The following ARHGAP44 variants were observed in gnomAD, a reference collection of about 807,000 sequenced individuals.
ARHGAP44 encodes the protein Rho GTPase activating protein 44.
A neutral mutation model predicts 106.8 loss-of-function variants in ARHGAP44; 43 were observed. That is an observed-to-expected ratio of 0.40 (90% CI 0.32 to 0.52). The LOEUF (loss-of-function observed/expected upper bound fraction) is 0.52, where lower values mean the gene tolerates loss of function less well. Among genes scored for constraint, ARHGAP44 ranks in the 20% least tolerant of loss-of-function variants. ARHGAP44 has a pLI of 0.48. For synonymous variants in ARHGAP44, 439 were observed against 410.3 expected, an observed-to-expected ratio of 1.07 and a Z score of -0.85; for missense variants, 866 against 1,050.5, an observed-to-expected ratio of 0.82 and a Z score of 2.43.
intron 7 of ARHGAP44, among the ~76,000 whole-genome samples, chr17:12,931,228 C>T (rs1254787500): frequency 6.6e-6 from 1 of 151,882 alleles, no homozygotes; most frequent in Non-Finnish European, 1.5e-5. Flanking sequence ...CATGCCACCA[C>T]TCCTGGCTAA....
chr17:12,928,814 G>A (rs2038320350), intron 6 of ARHGAP44, 115 bp from the exon 7 acceptor site: 2 of 863,100 alleles, frequency 2.3e-6, no homozygotes, highest in South Asian at 3.5e-5. Context: ...CCCTTTTCCA[G>A]TGAGGGTATG....
At position 12,907,855 on chromosome 17, in the gene ARHGAP44, G is replaced by C. The variant is rs2037601805; in HGVS notation, c.199-1042G>C. On this transcript the variant is annotated intron_variant, in intron 3 of 20. Transcript: ENST00000379672. Reference sequence around the variant, plus strand: ...CAGGAGTGGAATTGCTGTGCCATGTGATAATTCTGCTTAACTTATTGAGAT... The same window carrying C: ...CAGGAGTGGAATTGCTGTGCCATGTCATAATTCTGCTTAACTTATTGAGAT... Among the ~76,000 whole-genome samples, 3 of 152,120 alleles carry C rather than the reference G, an allele frequency of 2.0e-5. No homozygotes were observed. The South Asian group carries it at 6.2e-4, about 32-fold the overall frequency.
intron 3 of ARHGAP44, among the ~76,000 whole-genome samples, chr17:12,903,126 G>GTGT (rs57334058): frequency 7.1e-5 from 5 of 70,698 alleles, no homozygotes; most frequent in Admixed American, 5.2e-4. Flanking sequence ...GAGAGAGAGA[G>GTGT]GAGAGAGAGA....
chr17:12,930,827 T>A (rs1364287032), intron 7 of ARHGAP44, among the ~76,000 whole-genome samples: 2 of 152,118 alleles, frequency 1.3e-5, no homozygotes, highest in Admixed American at 1.3e-4. Context: ...ACACTAATAT[T>A]CTCTCCCTTC....
chr17:12,903,132 AGAGAGAGAGTGTGT>A (rs2037438709), intron 3 of ARHGAP44, among the ~76,000 whole-genome samples: 5 of 125,936 alleles, frequency 4.0e-5, no homozygotes, highest in East Asian at 2.4e-4. Context: ...GAGAGGAGAG[AGAGAGAGAGTGTGT>A]GTGTGTGTGT....
intron 1 of ARHGAP44, among the ~76,000 whole-genome samples, chr17:12,877,044 A>T (rs2036579226): frequency 6.6e-6 from 1 of 152,118 alleles, no homozygotes; most frequent in Non-Finnish European, 1.5e-5. Context: ...AATTAAGAGG[A>T]TTTGACAGTT....
rs188524184 is a variant in ARHGAP44 at position 12,949,303 on chromosome 17, T to C, written c.973+52T>C. 4.6e-3 allele frequency: 7,006 copies of C among 1,516,646 alleles called. 21 individuals are homozygous for C. The highest frequency in any genetic ancestry group is 5.8e-3 in the Non-Finnish European group (6,452 of 1,121,044). 93.9% of individuals were successfully genotyped at this position (1,516,646 alleles called of 1,614,324 possible). ...GCCATGGAGGCTCACAGGGAAGGGG[T>C]AGAGGGGAGGCTGTGTGGCTACAAG... On this transcript the variant is annotated intron_variant, in intron 11 of 20. Transcript: ENST00000379672. This position sits in a 1 kb window ranked among gnomAD's most constrained non-coding sequence, Gnocchi z 4.1.
chr17:12,797,316 A>T (rs2033954035), intron 1 of ARHGAP44, among the ~76,000 whole-genome samples: 1 of 152,188 alleles, frequency 6.6e-6, no homozygotes. Context: ...GATGTATGAC[A>T]TGGCTTAGGT....
At chr17:12,989,900 C>T in intron 20 of ARHGAP44, 132 bp from the exon 21 acceptor site, 3 of 1,352,450 alleles carry the variant, frequency 2.2e-6, no homozygotes, top group Non-Finnish European at 3.0e-6. Context: ...AATGCTTAAA[C>T]CAACCTCCAA....
chr17:12,943,779 C>T, intron 9 of ARHGAP44, 110 bp downstream of exon 9: 1 of 1,194,370 alleles, frequency 8.4e-7, no homozygotes, highest in East Asian at 2.3e-5. Context: ...CCAACAGCAT[C>T]ACCTGTAGAT....
intron 1 of ARHGAP44, among the ~76,000 whole-genome samples, chr17:12,814,353 G>A (rs1037010492): frequency 3.4e-5 from 5 of 147,626 alleles, no homozygotes; most frequent in Admixed American, 7.0e-5. Flanking sequence ...CAATTCTCCT[G>A]CCTCAGCCTC....
intron 20 of ARHGAP44, chr17:12,986,281 CT>C (rs2039954425): frequency 6.6e-6 from 1 of 152,156 alleles, no homozygotes; most frequent in Non-Finnish European, 1.5e-5. Flanking sequence ...GCTGAGGTGT[CT>C]CCTGAAGGAG....
chr17:12,947,112 A>G (rs927719891), intron 10 of ARHGAP44, among the ~76,000 whole-genome samples: 1 of 152,148 alleles, frequency 6.6e-6, no homozygotes, highest in Non-Finnish European at 1.5e-5. Context: ...TTTGTTTTTT[A>G]TGCTATCCAA....
intron 1 of ARHGAP44, among the ~76,000 whole-genome samples, chr17:12,878,441 A>G (rs926610477): frequency 6.6e-6 from 1 of 152,210 alleles, no homozygotes; most frequent in Non-Finnish European, 1.5e-5. Context: ...TCTCGTATAC[A>G]GAAAGTTTAA....
intron 5 of ARHGAP44, 65 bp from the exon 6 acceptor site, chr17:12,919,690 A>G: frequency 2.0e-6 from 3 of 1,463,586 alleles, no homozygotes; most frequent in Non-Finnish European, 2.8e-6. Flanking sequence ...CTGGCCAGGA[A>G]TGGTTCCTAA....
chr17:12,802,753 C>CTTT (rs869172678), intron 1 of ARHGAP44, among the ~76,000 whole-genome samples: 68 of 108,700 alleles, frequency 6.3e-4, no homozygotes, highest in Non-Finnish European at 8.3e-4. Flanking sequence ...TTTTTTATTT[C>CTTT]TTTTTTTTTT....
chr17:12,917,851 G>A lies in ARHGAP44; in HGVS notation c.387+1840G>A, dbSNP rs1454125627. Among the ~76,000 whole-genome samples, 4 of 152,146 alleles carry A rather than the reference G, an allele frequency of 2.6e-5. No individual in the cohort carries two copies. In the East Asian group the frequency reaches 5.8e-4, roughly 22 times the overall value. On this transcript the variant is annotated intron_variant, in intron 5 of 20. Coordinates refer to ENST00000379672, the MANE Select transcript of ARHGAP44 (RefSeq NM_014859.6). ...TTTAAATTTAGAATTTCATAGCTAC[G>A]TGCGGTTAGAGGCTACTGTATTAAA...
rs775224913 is a variant in ARHGAP44 at position 12,949,335 on chromosome 17, A to G, written c.973+84A>G. The stretch of plus-strand genomic sequence containing the variant: ...GAGGCTGTGTGGCTACAAGTCCAGG[A>G]CACTCAAGTCAGTGGCTGCCCAAAG... On this transcript the variant is annotated intron_variant, in intron 11 of 20. Coordinates refer to ENST00000379672, the MANE Select transcript of ARHGAP44 (RefSeq NM_014859.6). The surrounding 1 kb of genome is among the most constrained non-coding windows in gnomAD (Gnocchi z 4.1). The G allele has an allele frequency of 7.1e-7, 1 of 1,401,330 alleles. No individual in the cohort carries two copies. The highest frequency in any genetic ancestry group is 9.8e-7 in the Non-Finnish European group (1 of 1,024,082). The allele number at this position is 1,401,330 out of a possible 1,614,324, so 86.8% of individuals were successfully genotyped here.
intron 16 of ARHGAP44, chr17:12,972,989 A>G: frequency 3.2e-6 from 1 of 317,082 alleles, no homozygotes. Context: ...TTTTTAAAAA[A>G]AGAAGTGAGC....
Sources: allele counts gnomAD v4.1 joint callset (sites outside exome capture counted in the v4.1 genomes callset), GRCh38; gene constraint gnomAD v4.1.1; non-coding constraint Gnocchi (gnomAD v3.1); transcripts MANE v1.5; gene names NCBI Gene and HGNC (gene_info 2026-07-23, HGNC 2026-07-21).